The following BPIFB4 variants were observed in gnomAD, a reference collection of about 807,000 sequenced individuals.
The protein encoded by BPIFB4 is BPI fold-containing family B member 4.
BPIFB4 carries 62 observed loss-of-function variants against 69.2 expected under a neutral mutation model. The ratio of observed to expected loss-of-function variants is 0.90; its 90% CI spans 0.73 to 1.11. The LOEUF is 1.11. Ranked by LOEUF, BPIFB4 falls within the 50% of genes least tolerant of loss-of-function variation. BPIFB4 has a pLI of 0.00. For synonymous variants in BPIFB4, 330 were observed against 332.7 expected (o/e 0.99, Z 0.09); for missense variants, 789 against 792.0 (o/e 1.00, Z 0.04).
intron 17 of BPIFB4, among the ~76,000 whole-genome samples, chr20:33,110,908 C>T (rs13045013): frequency 0.21 from 31,228 of 150,734 alleles, 4,065 homozygotes; most frequent in Middle Eastern, 0.28. Context: ...CTCCACCTCC[C>T]GGGTTTAAGT....
intron 13 of BPIFB4, among the ~76,000 whole-genome samples, 153 bp from the exon 14 acceptor site, chr20:33,100,273 A>G (rs1301751302): frequency 6.6e-6 from 1 of 152,176 alleles, no homozygotes; most frequent in Non-Finnish European, 1.5e-5. Flanking sequence ...TCATGCTTAT[A>G]AAAGGAGGTC....
At chr20:33,102,427 G>A (rs184254353) in intron 14 of BPIFB4, among the ~76,000 whole-genome samples, 165 of 152,320 alleles carry the variant, frequency 1.1e-3, no homozygotes, top group African/African-American at 3.6e-3. Context: ...AGAGCAGAGC[G>A]AGACCTCAAA....
At chr20:33,093,521 T>C (rs551306809) in intron 11 of BPIFB4, among the ~76,000 whole-genome samples, 3 of 140,106 alleles carry the variant, frequency 2.1e-5, no homozygotes, top group African/African-American at 8.2e-5. Context: ...CGTCAACTCA[T>C]TCATCCATCC....
chr20:33,108,436 T>TATATATATATATACACACAC (rs1271417747), intron 17 of BPIFB4, among the ~76,000 whole-genome samples: 6 of 148,514 alleles, frequency 4.0e-5, no homozygotes, highest in African/African-American at 1.5e-4. Flanking sequence ...TATATATATA[T>TATATATATATATACACACAC]AGACATATAT....
chr20:33,111,551 C>T lies in BPIFB4; in HGVS notation c.*114C>T, dbSNP rs1169133105. 3 of 1,330,330 alleles carry T rather than the reference C, an allele frequency of 2.3e-6. No individual in the cohort carries two copies. The highest frequency in any genetic ancestry group is 1.4e-5 in the African/African-American group (1 of 69,060). The allele number at this position is 1,330,330 out of a possible 1,614,324, so 82.4% of individuals were successfully genotyped here. On this transcript the variant is annotated 3_prime_UTR_variant, in exon 18 of 18. Coordinates refer to ENST00000375483, the MANE Select transcript of BPIFB4 (RefSeq NM_182519.3). ...TCCCCTCAGCCTCCATGACAGGTCC[C>T]TCCCTGGCCCCCCAACCCTCTTCCT...
intron 4 of BPIFB4, among the ~76,000 whole-genome samples, 174 bp from the exon 5 acceptor site, chr20:33,083,193 G>T (rs1203222216): frequency 7.7e-6 from 1 of 129,060 alleles, no homozygotes; most frequent in Non-Finnish European, 1.7e-5. Flanking sequence ...CTGGGTGGAG[G>T]AGGTGGCAGT....
chr20:33,091,013 C>T (rs535294735), intron 10 of BPIFB4, among the ~76,000 whole-genome samples: 4 of 152,326 alleles, frequency 2.6e-5, no homozygotes, highest in East Asian at 1.9e-4. Context: ...ATTCTGTGTG[C>T]TTTGTGTCGA....
intron 15 of BPIFB4, among the ~76,000 whole-genome samples, chr20:33,103,414 T>C (rs1033306138): frequency 6.6e-6 from 1 of 152,240 alleles, no homozygotes; most frequent in African/African-American, 2.4e-5. Flanking sequence ...ATCAACCCAC[T>C]CTGAGCCTCA....
intron 10 of BPIFB4, 79 bp downstream of exon 10, chr20:33,090,878 T>C (rs1981581209): frequency 9.1e-6 from 14 of 1,540,186 alleles, no homozygotes; most frequent in Non-Finnish European, 1.2e-5. Flanking sequence ...CTCCCAGGGC[T>C]TCTGCTGAAT....
intron 13 of BPIFB4, 79 bp from the exon 14 acceptor site, chr20:33,100,347 T>C (rs1981872729): frequency 8.0e-7 from 1 of 1,254,416 alleles, no homozygotes; most frequent in East Asian, 2.3e-5. Context: ...TAGCTAGCAC[T>C]GGGCACACAA....
intron 10 of BPIFB4, 92 bp from the exon 11 acceptor site, chr20:33,092,366 C>T (rs1981623603): frequency 4.0e-6 from 5 of 1,243,078 alleles, no homozygotes; most frequent in African/African-American, 1.5e-5. Context: ...AAATGGCTGC[C>T]TGGAGGCAGA....
Position 33,100,623 on chromosome 20 carries a change from G to A in BPIFB4, c.1637+130G>A, listed in dbSNP as rs369571554. On this transcript the variant is annotated intron_variant, in intron 14 of 17. Transcript: ENST00000375483. ...AAACCCAAGGGGCTGCAAAGGTGAC[G>A]ATGGCTCATGCCTACCATTACCACT... 169 of 748,582 alleles carry A rather than the reference G, an allele frequency of 2.3e-4. 2 individuals are homozygous for A. The South Asian group carries it at 3.1e-3, about 14-fold the overall frequency. 46.4% of individuals were successfully genotyped at this position (748,582 alleles called of 1,614,324 possible).
intron 8 of BPIFB4, 45 bp from the exon 9 acceptor site, chr20:33,089,453 C>T: frequency 1.2e-6 from 2 of 1,614,064 alleles, no homozygotes; most frequent in Non-Finnish European, 1.7e-6. Flanking sequence ...CTTGCTCCTA[C>T]TCCCTGCAGC....
At chr20:33,084,750 T>G in intron 5 of BPIFB4, 142 bp from the exon 6 acceptor site, 11 of 1,433,036 alleles carry the variant, frequency 7.7e-6, no homozygotes, top group Non-Finnish European at 1.0e-5. Flanking sequence ...CCACATTCTG[T>G]CCTTGAACTG....
chr20:33,084,596 C>A (rs766776290), intron 5 of BPIFB4, among the ~76,000 whole-genome samples: 12 of 152,098 alleles, frequency 7.9e-5, no homozygotes, highest in Admixed American at 2.0e-4. Flanking sequence ...GGGAACCAGG[C>A]AAGAGGGGCA....
chr20:33,082,183 A>G (rs748104144), intron 3 of BPIFB4, among the ~76,000 whole-genome samples: 48 of 152,132 alleles, frequency 3.2e-4, no homozygotes, highest in Non-Finnish European at 5.6e-4. Context: ...CCAGGCTATC[A>G]TGAGCATAAA....
At chr20:33,088,391 T>G (rs1981498534) in intron 7 of BPIFB4, among the ~76,000 whole-genome samples, 1 of 151,884 alleles carries the variant, frequency 6.6e-6, no homozygotes, top group Non-Finnish European at 1.5e-5. Context: ...ATGGCTTACT[T>G]CTGTGGACCT....
At chr20:33,090,666 A>T (rs201559949) in intron 9 of BPIFB4, 42 bp from the exon 10 acceptor site, 49 of 1,609,868 alleles carry the variant, frequency 3.0e-5, no homozygotes, top group Admixed American at 2.2e-4. Context: ...AGGCATCTGG[A>T]TGGTGAGGGG....
At position 33,109,478 on chromosome 20, in the gene BPIFB4, G is replaced by A. The variant is rs547062269; in HGVS notation, c.1821+1658G>A. ...ATCAGAGAGGGTAGGCCACTTGCTC[G>A]AGGTCACCCAGCTGGTGAGAATTAG... is the stretch of plus-strand genomic sequence containing the variant. On this transcript the variant is annotated intron_variant, in intron 17 of 17. Transcript: ENST00000375483. Among the ~76,000 whole-genome samples the A allele has an allele frequency of 3.9e-5, 6 of 152,190 alleles. No individual in the cohort carries two copies. In the East Asian group the frequency reaches 7.7e-4, roughly 20 times the overall value.
Sources: allele counts gnomAD v4.1 joint callset (sites outside exome capture counted in the v4.1 genomes callset), GRCh38; gene constraint gnomAD v4.1.1; transcripts MANE v1.5; gene names NCBI Gene and HGNC (gene_info 2026-07-23, HGNC 2026-07-21).